The following ATXN1 variants were observed in gnomAD, a reference collection of about 807,000 sequenced individuals.
The protein encoded by ATXN1 is ataxin-1.
ATXN1 carries 8 observed loss-of-function variants against 56.4 expected under a neutral mutation model. The ratio of observed to expected loss-of-function variants is 0.14; its 90% CI spans 0.08 to 0.26. The LOEUF (loss-of-function observed/expected upper bound fraction) is 0.26, where lower values mean the gene tolerates loss of function less well. Ranked by LOEUF, ATXN1 falls within the 10% of genes least tolerant of loss-of-function variation. The pLI is 1.00. For missense variants in ATXN1, 987 were observed against 1,106.5 expected (o/e 0.89, Z 1.53); for synonymous variants, 514 against 494.6 (o/e 1.04, Z -0.52).
At chr6:16,579,519 G>A (rs1762489783) in intron 4 of ATXN1, among the ~76,000 whole-genome samples, 2 of 93,594 alleles carry the variant, frequency 2.1e-5, no homozygotes, top group South Asian at 7.9e-4. Context: ...CCAAGTCCAA[G>A]GGCGTTTCAC....
chr6:16,507,750 A>G (rs1761007429), intron 5 of ATXN1, among the ~76,000 whole-genome samples: 1 of 152,188 alleles, frequency 6.6e-6, no homozygotes, highest in Admixed American at 6.5e-5. Flanking sequence ...TGTTTATATA[A>G]CAGCCACCTA....
intron 6 of ATXN1, among the ~76,000 whole-genome samples, chr6:16,399,964 A>G (rs191487349): frequency 2.0e-5 from 3 of 152,254 alleles, no homozygotes; most frequent in African/African-American, 7.2e-5. Context: ...TCCTTGACCT[A>G]AACGCTAGCC....
At chr6:16,590,208 A>C (rs889885644) in intron 3 of ATXN1, among the ~76,000 whole-genome samples, 2 of 152,252 alleles carry the variant, frequency 1.3e-5, no homozygotes, top group African/African-American at 4.8e-5. Context: ...TGTCTGAATT[A>C]ATAGCAAGCA....
chr6:16,633,996 C>A (rs1763550237), intron 3 of ATXN1, among the ~76,000 whole-genome samples: 1 of 152,192 alleles, frequency 6.6e-6, no homozygotes, highest in Admixed American at 6.5e-5. Context: ...AATTCACTTG[C>A]TTCTGATTAC....
intron 6 of ATXN1, among the ~76,000 whole-genome samples, chr6:16,358,599 G>A (rs1761741021): frequency 6.6e-6 from 1 of 152,230 alleles, no homozygotes; most frequent in Admixed American, 6.5e-5. Context: ...CCATCAAGCT[G>A]GCTGCGCGGC....
chr6:16,619,056 A>G (rs1763271541), intron 3 of ATXN1, among the ~76,000 whole-genome samples: 1 of 152,170 alleles, frequency 6.6e-6, no homozygotes. Context: ...ACTTGAAACT[A>G]CACTAAAAAA....
intron 6 of ATXN1, among the ~76,000 whole-genome samples, chr6:16,395,435 G>A (rs1449440120): frequency 6.6e-6 from 1 of 152,098 alleles, no homozygotes; most frequent in East Asian, 1.9e-4. Context: ...GCCGCGGATT[G>A]CATATGTGAC....
At chr6:16,739,590 CA>C in intron 2 of ATXN1, 1 of 302,758 alleles carries the variant, frequency 3.3e-6, no homozygotes. Context: ...CTGCAAATGA[CA>C]AAAGGTGTGT....
intron 6 of ATXN1, among the ~76,000 whole-genome samples, chr6:16,343,073 G>A (rs1164862863): frequency 2.6e-5 from 4 of 152,230 alleles, no homozygotes; most frequent in South Asian, 2.1e-4. Flanking sequence ...GGCTGGGCGC[G>A]TTGGCTCACG....
intron 4 of ATXN1, among the ~76,000 whole-genome samples, chr6:16,542,705 T>C (rs565446760): frequency 6.6e-6 from 1 of 152,198 alleles, no homozygotes; most frequent in Non-Finnish European, 1.5e-5. Flanking sequence ...CCATGGAGGA[T>C]CTGTTCCAAG....
At chr6:16,441,012 C>T (rs3806127) in intron 6 of ATXN1, among the ~76,000 whole-genome samples, 11,766 of 152,128 alleles carry the variant, frequency 0.077, 675 homozygotes, top group East Asian at 0.28. Flanking sequence ...TTCCAAAGGT[C>T]CTTACGGCAC....
chr6:16,691,727 G>T (rs555455023), intron 2 of ATXN1, among the ~76,000 whole-genome samples: 1 of 152,378 alleles, frequency 6.6e-6, no homozygotes, highest in East Asian at 1.9e-4. Context: ...GCTCTAGGCA[G>T]TGTGTGGACA....
rs1760899310 is a variant in ATXN1, at chr6:16,328,351, G to A, written c.-41C>T. 1.4e-6 allele frequency: 2 copies of A among 1,480,078 alleles called. No individual in the cohort carries two copies. The highest frequency in any genetic ancestry group is 2.3e-5 in the Admixed American group (1 of 43,190). 91.7% of individuals were successfully genotyped at this position (1,480,078 alleles called of 1,614,324 possible). The stretch of plus-strand genomic sequence containing the variant: ...CTCCACGGTGACTGTTTCACTGTCT[G>A]GATGGCTCTGATTTTAGTCTGATAA... On this transcript the variant is annotated 5_prime_UTR_variant, in exon 7 of 8. Coordinates refer to ENST00000436367, the MANE Select transcript of ATXN1 (RefSeq NM_001128164.2). This position sits in a 1 kb window ranked among gnomAD's most constrained non-coding sequence, Gnocchi z 6.2.
chr6:16,619,829 G>A (rs1451856994), intron 3 of ATXN1, among the ~76,000 whole-genome samples: 1 of 151,064 alleles, frequency 6.6e-6, no homozygotes, highest in Non-Finnish European at 1.5e-5. Context: ...GATCGCTTGA[G>A]CCCAGGAGTT....
intron 4 of ATXN1, among the ~76,000 whole-genome samples, chr6:16,537,647 A>G (rs1404946783): frequency 1.3e-5 from 2 of 151,928 alleles, no homozygotes; most frequent in African/African-American, 4.8e-5. Flanking sequence ...TAGAGGTTGC[A>G]GTGAGCCGAG....
intron 6 of ATXN1, among the ~76,000 whole-genome samples, chr6:16,473,394 A>T (rs1276156674): frequency 6.6e-6 from 1 of 152,176 alleles, no homozygotes; most frequent in Non-Finnish European, 1.5e-5. Flanking sequence ...TTGCCTTTTG[A>T]AAGAGTTATG....
chr6:16,332,837 C>T (rs1440807896), intron 6 of ATXN1, among the ~76,000 whole-genome samples: 2 of 152,168 alleles, frequency 1.3e-5, no homozygotes, highest in East Asian at 1.9e-4. Flanking sequence ...CTTTGCTAGT[C>T]GAAGTGTGGT....
At chr6:16,329,142 T>C (rs1760920569) in intron 6 of ATXN1, among the ~76,000 whole-genome samples, 1 of 152,102 alleles carries the variant, frequency 6.6e-6, no homozygotes, top group African/African-American at 2.4e-5. Context: ...AGTTCTTAAA[T>C]TTCCTTTTCA....
rs140529391 is a variant in ATXN1, at chr6:16,446,733, A to G, written c.-161+39239T>C. ...CACATGTTGTTGTTTCATTTCTGTA[A>G]AATATATCCTGTTGGTGTCATCTAT... On this transcript the variant is annotated intron_variant, in intron 6 of 7. Coordinates refer to ENST00000436367, the MANE Select transcript of ATXN1 (RefSeq NM_001128164.2). Among the ~76,000 whole-genome samples, 846 of 152,302 alleles carry G rather than the reference A, an allele frequency of 5.6e-3. 10 individuals are homozygous for G. Among genetic ancestry groups the G allele is most frequent in the South Asian group, 6.2e-3 (30 of 4,830 alleles).
Sources: gnomAD v4.1 joint callset for allele counts (sites outside exome capture counted in the v4.1 genomes callset) on GRCh38, gnomAD v4.1.1 for gene constraint, Gnocchi (gnomAD v3.1) non-coding constraint, MANE v1.5 for transcripts, NCBI Gene and HGNC (gene_info 2026-07-23, HGNC 2026-07-21) for gene names.